FZD3: variants seen among roughly 807,000 people sequenced by gnomAD.
The protein encoded by FZD3 is frizzled-3.
A neutral mutation model predicts 60.7 loss-of-function variants in FZD3; 30 were observed. That is an observed-to-expected ratio of 0.49 (90% CI 0.37 to 0.67). FZD3 has a LOEUF of 0.67. Ranked by LOEUF, FZD3 falls within the 30% of genes least tolerant of loss-of-function variation. The pLI, the probability that FZD3 is intolerant of heterozygous loss-of-function variation, is 0.00. For synonymous variants in FZD3, 246 were observed against 275.2 expected (o/e 0.89, Z 1.05); for missense variants, 605 against 838.7 (o/e 0.72, Z 3.44).
intron 5 of FZD3, among the ~76,000 whole-genome samples, chr8:28,534,460 G>T (rs1804959691): frequency 1.3e-5 from 2 of 152,190 alleles, no homozygotes; most frequent in Admixed American, 1.3e-4. Flanking sequence ...GGCTGAGGCA[G>T]GAGAATGGTT....
intron 4 of FZD3, 150 bp from the exon 5 acceptor site, chr8:28,526,997 A>G: frequency 1.4e-6 from 1 of 726,376 alleles, no homozygotes; most frequent in Non-Finnish European, 2.3e-6. Flanking sequence ...ACCACAAACA[A>G]GATATCACCA....
chr8:28,551,580 T>C (rs756804361), intron 5 of FZD3, 23 bp from the exon 6 acceptor site: 1 of 1,535,134 alleles, frequency 6.5e-7, no homozygotes, highest in East Asian at 2.2e-5. Flanking sequence ...ATATTTAAGA[T>C]GCTTTTCTTT....
rs1053644150 is a variant in FZD3 at position 28,566,990 on chromosome 8, A to T, written c.*3979A>T. 1.5e-4 allele frequency: 23 copies of T among 152,054 alleles called. No homozygotes were observed. Among genetic ancestry groups the T allele is most frequent in the African/African-American group, 3.6e-4 (15 of 41,406 alleles). 9.4% of individuals were successfully genotyped at this position (152,054 alleles called of 1,614,324 possible). On this transcript the variant is annotated 3_prime_UTR_variant, in exon 8 of 8. Transcript: ENST00000240093. ...CCCATAAATTATTCTACTTAAAAAA[A>T]TTTTTTATAGAGACAGGGTCTTGCT...
In FZD3 at chr8:28,551,650, C is replaced by T; in HGVS notation, c.1452C>T (p.Tyr484=). The T allele has an allele frequency of 6.2e-7, 1 of 1,610,296 alleles. No homozygotes were observed. The highest frequency in any genetic ancestry group is 8.5e-7 in the Non-Finnish European group (1 of 1,176,756). ...RPDLILFLMK[Y]LMALIVGIPS... Reference sequence around the variant, plus strand: ...ACTTGATTCTCTTTCTGATGAAATACCTGATGGCTCTCATAGTTGGCATTC... The same window carrying T: ...ACTTGATTCTCTTTCTGATGAAATATCTGATGGCTCTCATAGTTGGCATTC... The change falls in exon 6 of 8, where the codon TAC becomes TAT. Residue 484 remains tyrosine, a synonymous_variant. Coordinates refer to ENST00000240093, the MANE Select transcript of FZD3 (RefSeq NM_017412.4).
intron 2 of FZD3, among the ~76,000 whole-genome samples, chr8:28,500,226 A>G (rs142465484): frequency 6.6e-6 from 1 of 152,352 alleles, no homozygotes; most frequent in African/African-American, 2.4e-5. Context: ...AGTAGATTTT[A>G]CAAAAGCATC....
chr8:28,514,743 T>C (rs940790434), intron 3 of FZD3, among the ~76,000 whole-genome samples: 5 of 152,240 alleles, frequency 3.3e-5, no homozygotes, highest in African/African-American at 9.6e-5. Context: ...TTAAAAACTG[T>C]CTCACTTGGC....
intron 5 of FZD3, among the ~76,000 whole-genome samples, chr8:28,546,363 T>G (rs1805292910): frequency 6.6e-6 from 1 of 152,196 alleles, no homozygotes; most frequent in Admixed American, 6.5e-5. Flanking sequence ...AATCAGGGCT[T>G]CCCTTGACCC....
rs1563389136 is a variant in FZD3 at position 28,520,845 on chromosome 8, C to G, written c.386+11C>G. 6.8e-7 allele frequency: 1 copy of G among 1,466,834 alleles called. No homozygotes were observed. The highest frequency in any genetic ancestry group is 1.4e-5 in the African/African-American group (1 of 71,144). The allele number at this position is 1,466,834 out of a possible 1,614,324, so 90.9% of individuals were successfully genotyped here. A position where few individuals can be genotyped will look rare whatever the true frequency, so the allele number is the denominator to read the frequency against. On this transcript the variant is annotated intron_variant, in intron 4 of 7. Transcript: ENST00000240093. ...TATGGAATGCAGTAGGTGCGAAAAT[C>G]ATAGATTTTCATGGATCATTTCTTA...
rs1376454575 is a variant in FZD3 at position 28,571,924 on chromosome 8, A to C, written c.*8913A>C. 1 of 152,154 alleles carries C rather than the reference A, an allele frequency of 6.6e-6. No individual in the cohort carries two copies. Among genetic ancestry groups the C allele is most frequent in the Non-Finnish European group, 1.5e-5 (1 of 68,014 alleles). 9.4% of individuals were successfully genotyped at this position (152,154 alleles called of 1,614,324 possible). The stretch of plus-strand genomic sequence containing the variant: ...CAAAAAAATACTTTTTTGTATTTTA[A>C]TCTGATAGTGAATTTGGGGATTATT... On this transcript the variant is annotated 3_prime_UTR_variant, in exon 8 of 8. Coordinates refer to ENST00000240093, the MANE Select transcript of FZD3 (RefSeq NM_017412.4).
Position 28,502,951 on chromosome 8 carries a change from TA to T in FZD3, c.-60del. 1 of 1,111,698 alleles carries T rather than the reference TA, an allele frequency of 9.0e-7. No homozygotes were observed. Among genetic ancestry groups the T allele is most frequent in the Non-Finnish European group, 1.3e-6 (1 of 760,260 alleles). The allele number at this position is 1,111,698 out of a possible 1,614,324, so 68.9% of individuals were successfully genotyped here. The stretch of plus-strand genomic sequence containing the variant: ...CTTCGAGCTGAGACCTGCAGGTGTA[TA>T]AATATCTAAAATACATATTGAATAG... On this transcript the variant is annotated 5_prime_UTR_variant, in exon 3 of 8. Transcript: ENST00000240093.
chr8:28,534,187 C>T (rs934457621), intron 5 of FZD3, among the ~76,000 whole-genome samples: 1 of 152,094 alleles, frequency 6.6e-6, no homozygotes, highest in Non-Finnish European at 1.5e-5. Flanking sequence ...ACTAGAAGAC[C>T]AGCGACCTGT....
At chr8:28,550,945 T>C (rs1190670018) in intron 5 of FZD3, among the ~76,000 whole-genome samples, 1 of 152,216 alleles carries the variant, frequency 6.6e-6, no homozygotes, top group African/African-American at 2.4e-5. Flanking sequence ...GTTTTCCTTC[T>C]ATGGCATCTT....
At chr8:28,540,339 C>A (rs1392842401) in intron 5 of FZD3, among the ~76,000 whole-genome samples, 2 of 152,120 alleles carry the variant, frequency 1.3e-5, no homozygotes, top group Non-Finnish European at 2.9e-5. Context: ...AAGCTATTCT[C>A]ATGTCTCAGC....
rs759871121 is a variant in FZD3, at chr8:28,520,671, C to T, written c.223C>T (p.Arg75Trp). Residue 75 changes from arginine (R) to tryptophan (W), a missense_variant, in exon 4 of 8, where the codon CGG becomes TGG. Physicochemically the swap from Arg to Trp is moderately radical, Grantham distance 101. Coordinates refer to ENST00000240093, the MANE Select transcript of FZD3 (RefSeq NM_017412.4). ...FHPMVNLDCSRDFRPFLCALY... is the reference protein window; with the variant it reads ...FHPMVNLDCSWDFRPFLCALY... ...CCCTATGGTGAATCTGGATTGTTCT[C>T]GGGATTTCCGGCCTTTTCTTTGTGC... 15 of 1,603,626 alleles carry T rather than the reference C, an allele frequency of 9.4e-6. No individual in the cohort carries two copies. The highest frequency in any genetic ancestry group is 1.3e-5 in the Non-Finnish European group (15 of 1,174,782).
chr8:28,507,283 T>C (rs150351277), intron 3 of FZD3, among the ~76,000 whole-genome samples: 1 of 152,324 alleles, frequency 6.6e-6, no homozygotes, highest in African/African-American at 2.4e-5. Context: ...ATTTATCTTA[T>C]AGAGTTTCCC....
chr8:28,554,037 A>G (rs535663574), intron 6 of FZD3, among the ~76,000 whole-genome samples: 10 of 152,340 alleles, frequency 6.6e-5, no homozygotes, highest in Admixed American at 5.2e-4. Context: ...GCTCTTAACT[A>G]CTTTGTTACA....
At chr8:28,546,232 A>G (rs1290016245) in intron 5 of FZD3, among the ~76,000 whole-genome samples, 1 of 152,226 alleles carries the variant, frequency 6.6e-6, no homozygotes, top group Non-Finnish European at 1.5e-5. Context: ...CATATTTGGC[A>G]CATCAGTCTA....
intron 4 of FZD3, among the ~76,000 whole-genome samples, chr8:28,524,283 T>A (rs1804661336): frequency 6.6e-6 from 1 of 152,122 alleles, no homozygotes; most frequent in Admixed American, 6.6e-5. Flanking sequence ...CTGATAGCAG[T>A]TTCATCTCAT....
At position 28,502,757 on chromosome 8, in the gene FZD3, A is replaced by C. The variant is rs557773580; in HGVS notation, c.-257A>C. On this transcript the variant is annotated 5_prime_UTR_variant, in exon 3 of 8. Transcript: ENST00000240093. ...GGTTGATCAACTTGATATGTTGGCCAAATGTGCCCCATGTAATAAAATGAA... is the reference window on the plus strand; with the variant it reads ...GGTTGATCAACTTGATATGTTGGCCCAATGTGCCCCATGTAATAAAATGAA... 1 of 265,254 alleles carries C rather than the reference A, an allele frequency of 3.8e-6. No individual in the cohort carries two copies. Among genetic ancestry groups the C allele is most frequent in the South Asian group, 1.6e-4 (1 of 6,088 alleles). 16.4% of individuals were successfully genotyped at this position (265,254 alleles called of 1,614,324 possible). A position where few individuals can be genotyped will look rare whatever the true frequency, so the allele number is the denominator to read the frequency against.
Sources: allele counts gnomAD v4.1 joint callset (sites outside exome capture counted in the v4.1 genomes callset), GRCh38; gene constraint gnomAD v4.1.1; transcripts MANE v1.5; gene names NCBI Gene and HGNC (gene_info 2026-07-23, HGNC 2026-07-21).